Variants in TRAP1 observed in about 807,000 individuals in gnomAD.
TRAP1 encodes heat shock protein 75 kDa, mitochondrial.
A neutral mutation model predicts 89.1 loss-of-function variants in TRAP1; 102 were observed. The observed-to-expected ratio is 1.15, with a 90% CI of 0.98 to 1.35. The LOEUF is 1.35. Among genes scored for constraint, TRAP1 ranks in the 40% most tolerant of loss-of-function variants. The pLI, the probability that TRAP1 is intolerant of heterozygous loss-of-function variation, is 0.00. For missense variants in TRAP1, 1,256 were observed against 945.3 expected, an observed-to-expected ratio of 1.33 and a Z score of -4.31; for synonymous variants, 508 against 388.0, an observed-to-expected ratio of 1.31 and a Z score of -3.64.
chr16:3,704,603 TGGGA>T (rs1401678936), intron 1 of TRAP1, among the ~76,000 whole-genome samples: 1 of 152,182 alleles, frequency 6.6e-6, no homozygotes, highest in Non-Finnish European at 1.5e-5. Context: ...CCCAGCACTT[TGGGA>T]GGGAGATCCA....
At chr16:3,697,255 A>AT (rs1290673258) in intron 1 of TRAP1, among the ~76,000 whole-genome samples, 1 of 152,164 alleles carries the variant, frequency 6.6e-6, no homozygotes, top group Non-Finnish European at 1.5e-5. Context: ...ACTGTCCCGT[A>AT]TTTTTAAATA....
intron 11 of TRAP1, among the ~76,000 whole-genome samples, chr16:3,668,355 C>T (rs983438217): frequency 9.2e-5 from 14 of 152,102 alleles, no homozygotes; most frequent in African/African-American, 2.2e-4. Flanking sequence ...CCACCGCGCC[C>T]GGCCAACACA....
At chr16:3,673,970 C>T (rs906477424) in intron 9 of TRAP1, among the ~76,000 whole-genome samples, 5 of 152,220 alleles carry the variant, frequency 3.3e-5, no homozygotes, top group Admixed American at 3.3e-4. Context: ...AGGCACACCC[C>T]AGTCCACAAG....
chr16:3,661,711 G>A (rs2043086504), intron 16 of TRAP1: 1 of 379,532 alleles, frequency 2.6e-6, no homozygotes, highest in South Asian at 1.1e-4. Flanking sequence ...GCATGTCCAG[G>A]ACACGCACAG....
At chr16:3,672,568 C>T (rs2050928155) in intron 10 of TRAP1, 132 bp downstream of exon 10, 2 of 1,379,824 alleles carry the variant, frequency 1.4e-6, no homozygotes, top group Non-Finnish European at 9.6e-7. Flanking sequence ...GACTGACACA[C>T]AGGCAGCGCA....
chr16:3,673,580 G>C (rs1371281522), intron 9 of TRAP1, among the ~76,000 whole-genome samples: 1 of 134,422 alleles, frequency 7.4e-6, no homozygotes, highest in African/African-American at 2.5e-5. Flanking sequence ...AAAATGCGGG[G>C]AGATCTTATT....
At chr16:3,664,577 A>T (rs920382798) in intron 12 of TRAP1, 118 bp from the exon 13 acceptor site, 1 of 1,124,338 alleles carries the variant, frequency 8.9e-7, no homozygotes, top group South Asian at 1.5e-5. Flanking sequence ...GCTGGCCCTG[A>T]CCCGAGGGAC....
At chr16:3,700,961 C>T (rs938188015) in intron 1 of TRAP1, among the ~76,000 whole-genome samples, 2 of 152,098 alleles carry the variant, frequency 1.3e-5, no homozygotes, top group Non-Finnish European at 1.5e-5. Flanking sequence ...CCAGCCACAT[C>T]GATATTTACT....
Position 3,671,799 on chromosome 16 carries a change from ACACGG to A in TRAP1, c.1166-13_1166-9del, listed in dbSNP as rs1418533808. Reference sequence around the variant, plus strand: ...CCTCACTGTCCACCACACCTGGGAGACACGGCAGTCAGCTTCTCCCGGGGCTGCGG... The same window carrying A: ...CCTCACTGTCCACCACACCTGGGAGACAGTCAGCTTCTCCCGGGGCTGCGG... On this transcript the variant is annotated splice_polypyrimidine_tract_variant and intron_variant, in intron 10 of 17. Transcript: ENST00000246957. The A allele has an allele frequency of 6.2e-7, 1 of 1,611,424 alleles. No homozygotes were observed. Among genetic ancestry groups the A allele is most frequent in the African/African-American group, 1.4e-5 (1 of 74,066 alleles).
chr16:3,686,103 C>T lies in TRAP1; in HGVS notation c.364G>A (p.Asp122Asn), dbSNP rs754946929. ...FIRELISNAS[D>N]ALEKLRHKLV... ...TTGTGACGCAGTTTTTCCAAGGCAT[C>T]GCTGGCATTGGAGATCAGCTCCCGT... is the stretch of plus-strand genomic sequence containing the variant. Residue 122 changes from aspartate (D) to asparagine (N), a missense_variant, in exon 4 of 18, where the codon GAT becomes AAT. Coordinates refer to ENST00000246957, the MANE Select transcript of TRAP1 (RefSeq NM_016292.3). The T allele has an allele frequency of 8.7e-6, 14 of 1,614,064 alleles. No individual in the cohort carries two copies. The highest frequency in any genetic ancestry group is 4.5e-5 in the East Asian group (2 of 44,878).
At chr16:3,678,669 G>C (rs1245225027) in intron 5 of TRAP1, 1 of 152,252 alleles carries the variant, frequency 6.6e-6, no homozygotes, top group Non-Finnish European at 1.5e-5. Flanking sequence ...CACCGTGTTA[G>C]CCAGGATGGT....
At chr16:3,668,811 G>A (rs1270894918) in intron 11 of TRAP1, among the ~76,000 whole-genome samples, 3 of 152,166 alleles carry the variant, frequency 2.0e-5, no homozygotes, top group East Asian at 1.9e-4. Context: ...GAGGACTCAC[G>A]GCTCCCCTCA....
chr16:3,679,012 G>A (rs1220568485), intron 5 of TRAP1, among the ~76,000 whole-genome samples: 4 of 152,162 alleles, frequency 2.6e-5, no homozygotes, highest in African/African-American at 9.7e-5. Context: ...GGGTTTGATG[G>A]TTCTGGTCAG....
rs183677967 is a variant in TRAP1, at chr16:3,658,104, G to A, written c.*25C>T. 6.8e-6 allele frequency: 11 copies of A among 1,612,484 alleles called. No homozygotes were observed. In the African/African-American group the frequency reaches 1.3e-4, roughly 20 times the overall value. The stretch of plus-strand genomic sequence containing the variant: ...AGGAGGTGGGGCTGTCATCTGTGGT[G>A]TCAGTCCTTCTGGCCCCCTGGCTGT... On this transcript the variant is annotated 3_prime_UTR_variant, in exon 18 of 18. Transcript: ENST00000246957.
At position 3,690,239 on chromosome 16, in the gene TRAP1, C is replaced by G. The variant is rs541085100; in HGVS notation, c.247+588G>C. On this transcript the variant is annotated intron_variant, in intron 2 of 17. Coordinates refer to ENST00000246957, the MANE Select transcript of TRAP1 (RefSeq NM_016292.3). ...CAGGTTGGTCTCGACCACTTGGCCT[C>G]AAGCAATCCTCCTGCCTCGGCCTCC... 3.2e-4 allele frequency among the ~76,000 whole-genome samples: 48 copies of G among 152,266 alleles called. No homozygotes were observed. In the East Asian group the frequency reaches 8.3e-3, roughly 26 times the overall value.
chr16:3,703,803 C>T (rs1412092945), intron 1 of TRAP1, among the ~76,000 whole-genome samples: 4 of 150,052 alleles, frequency 2.7e-5, no homozygotes, highest in Non-Finnish European at 5.9e-5. Flanking sequence ...ATCACGAGGT[C>T]AGGAGATCAA....
chr16:3,690,169 GCTAA>G (rs1284980598), intron 2 of TRAP1, among the ~76,000 whole-genome samples: 2 of 152,016 alleles, frequency 1.3e-5, no homozygotes, highest in East Asian at 1.9e-4. Flanking sequence ...ACCATGCCTG[GCTAA>G]CTTTTTAATT....
intron 4 of TRAP1, 141 bp downstream of exon 4, chr16:3,685,855 G>T: frequency 8.7e-7 from 1 of 1,151,002 alleles, no homozygotes; most frequent in Admixed American, 2.4e-5. Context: ...GAGTGCTACT[G>T]TAACACTAAA....
chr16:3,715,437 C>CA (rs796998372), intron 1 of TRAP1, among the ~76,000 whole-genome samples: 48 of 148,230 alleles, frequency 3.2e-4, no homozygotes, highest in African/African-American at 9.2e-4. Context: ...GACTCCATCT[C>CA]AAAAAAAAAG....
Sources: allele counts gnomAD v4.1 joint callset (sites outside exome capture counted in the v4.1 genomes callset), GRCh38; gene constraint gnomAD v4.1.1; transcripts MANE v1.5; gene names NCBI Gene and HGNC (gene_info 2026-07-23, HGNC 2026-07-21).